Variants in TRIM21 observed in about 807,000 individuals in gnomAD.
TRIM21 encodes the protein tripartite motif containing 21.
A neutral mutation model predicts 36.1 loss-of-function variants in TRIM21; 35 were observed. The observed-to-expected ratio is 0.97, with a 90% CI of 0.74 to 1.28. The LOEUF is 1.28. Ranked by LOEUF, TRIM21 falls within the 50% of genes most tolerant of loss-of-function variation. TRIM21 has a pLI of 0.00. For synonymous variants in TRIM21, 256 were observed against 211.5 expected (o/e 1.21, Z -1.83); for missense variants, 635 against 570.7 (o/e 1.11, Z -1.15).
intron 2 of TRIM21, 46 bp from the exon 3 acceptor site, chr11:4,389,795 T>C: frequency 1.9e-6 from 3 of 1,571,080 alleles, no homozygotes; most frequent in Non-Finnish European, 2.6e-6. Context: ...AACCAAGTAA[T>C]AGGGTGGGGT....
Position 4,385,367 on chromosome 11 carries a change from C to G in TRIM21, c.1346G>C (p.Gly449Ala). 1 of 1,613,786 alleles carries G rather than the reference C, an allele frequency of 6.2e-7. No homozygotes were observed. ...TGPLRPFFSP[G>A]FNDGGKNTAP... ...TGTGTTTTTTCCTCCATCATTGAAA[C>G]CAGGACTGAAGAAGGGCCGCAGAGG... Residue 449 changes from glycine to alanine, a missense_variant, in exon 7 of 7, where the codon GGT becomes GCT. Coordinates refer to ENST00000254436, the MANE Select transcript of TRIM21 (RefSeq NM_003141.4).
chr11:4,390,819 T>G (rs534434049), intron 1 of TRIM21, among the ~76,000 whole-genome samples: 4 of 152,186 alleles, frequency 2.6e-5, no homozygotes, highest in South Asian at 4.1e-4. Context: ...GAACATACAG[T>G]GAGGAAAGGA....
At chr11:4,390,932 G>C (rs1361797448) in intron 1 of TRIM21, among the ~76,000 whole-genome samples, 1 of 152,104 alleles carries the variant, frequency 6.6e-6, no homozygotes, top group African/African-American at 2.4e-5. Context: ...AATCAAAATG[G>C]ATTAAAGACT....
Position 4,385,037 on chromosome 11 carries a change from A to C in TRIM21, c.*248T>G. 1 of 450,552 alleles carries C rather than the reference A, an allele frequency of 2.2e-6. No homozygotes were observed. The highest frequency in any genetic ancestry group is 3.9e-6 in the Non-Finnish European group (1 of 256,492). 27.9% of individuals were successfully genotyped at this position (450,552 alleles called of 1,614,324 possible). ...ACTTAAGTCCCATAAAGAAGGCAGA[A>C]ACATGTTTTTGGTTGATCAAGATGA... On this transcript the variant is annotated 3_prime_UTR_variant, in exon 7 of 7. Transcript: ENST00000254436.
Position 4,388,526 on chromosome 11 carries a change from G to C in TRIM21, c.509C>G (p.Thr170Arg). Residue 170 changes from threonine to arginine, a missense_variant, in exon 4 of 7, where the codon ACA becomes AGA. By Grantham distance (71) the Thr-to-Arg change is moderately conservative (BLOSUM62 -1). Transcript: ENST00000254436. ...AATCCTAGATTTCTGTGTTTCCACT[G>C]TTTTCTTTAGTGTCAAGGGAAAGGG... ...IAIKRADWKK[T>R]VETQKSRIHA... The C allele has an allele frequency of 6.2e-7, 1 of 1,606,966 alleles. No individual in the cohort carries two copies. Among genetic ancestry groups the C allele is most frequent in the Non-Finnish European group, 8.5e-7 (1 of 1,179,774 alleles).
chr11:4,389,742 A>G lies in TRIM21; in HGVS notation c.416T>C (p.Leu139Pro). The G allele has an allele frequency of 6.2e-7, 1 of 1,613,864 alleles. No individual in the cohort carries two copies. The highest frequency in any genetic ancestry group is 8.5e-7 in the Non-Finnish European group (1 of 1,179,816). Residue 139 changes from leucine to proline, a missense_variant, in exon 3 of 7, where the codon CTC (leucine) becomes CCC (proline). Transcript: ENST00000254436. ...EEAAQEYQEK[L>P]QVALGELRRK... ...TCTCAGTTCCCCTAATGCCACCTGGAGCTTCTCCTGCAGAGAAAGACAGCT... is the reference window on the plus strand; with the variant it reads ...TCTCAGTTCCCCTAATGCCACCTGGGGCTTCTCCTGCAGAGAAAGACAGCT...
chr11:4,389,728 C>G lies in TRIM21; in HGVS notation c.430G>C (p.Gly144Arg). Reference protein sequence around the residue: ...EYQEKLQVALGELRRKQELAE... With the variant: ...EYQEKLQVALRELRRKQELAE... ...AACTCCTGCTTTCTTCTCAGTTCCCCTAATGCCACCTGGAGCTTCTCCTGC... is the reference window on the plus strand; with the variant it reads ...AACTCCTGCTTTCTTCTCAGTTCCCGTAATGCCACCTGGAGCTTCTCCTGC... The change falls in exon 3 of 7, where the codon GGG becomes CGG. Residue 144 changes from glycine (G) to arginine (R), a missense_variant. Gly to Arg is a moderately radical substitution (Grantham distance 125, BLOSUM62 -2). Transcript: ENST00000254436. The G allele has an allele frequency of 1.2e-6, 2 of 1,614,000 alleles. No individual in the cohort carries two copies. Among genetic ancestry groups the G allele is most frequent in the East Asian group, 2.2e-5 (1 of 44,878 alleles).
At position 4,387,946 on chromosome 11, in the gene TRIM21, C is replaced by A. The variant is rs144776520; in HGVS notation, c.735+354G>T. Reference sequence around the variant, plus strand: ...TTCTGCACAAACCTGAAAGCAATGGCTCATGACCACTCTGAGTGACACTGA... The same window carrying A: ...TTCTGCACAAACCTGAAAGCAATGGATCATGACCACTCTGAGTGACACTGA... On this transcript the variant is annotated intron_variant, in intron 4 of 6. Transcript: ENST00000254436. 1.6e-3 allele frequency among the ~76,000 whole-genome samples: 240 copies of A among 152,326 alleles called. 7 individuals carry two copies. In the East Asian group the frequency reaches 0.037, roughly 24 times the overall value.
intron 3 of TRIM21, among the ~76,000 whole-genome samples, chr11:4,388,813 T>A (rs2094959516): frequency 2.0e-5 from 3 of 152,080 alleles, no homozygotes; most frequent in Admixed American, 1.3e-4. Context: ...CATTGGGGAC[T>A]TTTTCCAACC....
At chr11:4,388,573 C>G in intron 3 of TRIM21, 43 bp from the exon 4 acceptor site, 1 of 1,585,862 alleles carries the variant, frequency 6.3e-7, no homozygotes, top group African/African-American at 1.3e-5. Context: ...TTATGAAAAT[C>G]TCCCAAGCTT....
intron 4 of TRIM21, 139 bp downstream of exon 4, chr11:4,388,161 C>T (rs1286156449): frequency 1.3e-6 from 1 of 763,412 alleles, no homozygotes; most frequent in East Asian, 2.7e-5. Context: ...GAACGCGAAC[C>T]TTTCATGGGT....
At chr11:4,392,200 A>G (rs1330513463) in intron 1 of TRIM21, among the ~76,000 whole-genome samples, 1 of 152,118 alleles carries the variant, frequency 6.6e-6, no homozygotes, top group African/African-American at 2.4e-5. Flanking sequence ...TATACCTACT[A>G]TGTGCCCACA....
rs2094955944 is a variant in TRIM21, at chr11:4,386,038, C to T, written c.859+119G>A. On this transcript the variant is annotated intron_variant, in intron 6 of 6. Coordinates refer to ENST00000254436, the MANE Select transcript of TRIM21 (RefSeq NM_003141.4). ...TCTGAAGAAACCATCTTCCTTACCT[C>T]CATCTCTGTTCCCCCTGCTCTGACC... 3 of 1,112,552 alleles carry T rather than the reference C, an allele frequency of 2.7e-6. No individual in the cohort carries two copies. The East Asian group carries it at 7.6e-5, about 28-fold the overall frequency. 68.9% of individuals were successfully genotyped at this position (1,112,552 alleles called of 1,614,324 possible). A position where few individuals can be genotyped will look rare whatever the true frequency, so the allele number is the denominator to read the frequency against.
intron 1 of TRIM21, among the ~76,000 whole-genome samples, chr11:4,391,350 A>G (rs527789908): frequency 3.3e-5 from 5 of 152,382 alleles, no homozygotes; most frequent in African/African-American, 1.2e-4. Context: ...ATTATCAGAA[A>G]AATGCAAATC....
At chr11:4,392,285 G>A (rs1013531461) in intron 1 of TRIM21, among the ~76,000 whole-genome samples, 1 of 151,940 alleles carries the variant, frequency 6.6e-6, no homozygotes, top group Admixed American at 6.5e-5. Context: ...AAAAATAATG[G>A]GTCAGGCACG....
Position 4,389,926 on chromosome 11 carries a change from C to T in TRIM21, c.408+76G>A, listed in dbSNP as rs2094960895. The T allele has an allele frequency of 3.2e-6, 5 of 1,568,226 alleles. No homozygotes were observed. The Admixed American group carries it at 7.1e-5, about 22-fold the overall frequency. On this transcript the variant is annotated intron_variant, in intron 2 of 6. Transcript: ENST00000254436. ...GGTAAACCCCTCCTTTCTCTAACCCCTCCAATCCAGAGGTGGTCCTCTCCC... is the reference window on the plus strand; with the variant it reads ...GGTAAACCCCTCCTTTCTCTAACCCTTCCAATCCAGAGGTGGTCCTCTCCC...
Position 4,388,548 on chromosome 11 carries a change from A to G in TRIM21, c.505-18T>C. The G allele has an allele frequency of 6.2e-7, 1 of 1,601,026 alleles. No homozygotes were observed. Among genetic ancestry groups the G allele is most frequent in the African/African-American group, 1.3e-5 (1 of 74,822 alleles). On this transcript the variant is annotated intron_variant, in intron 3 of 6. Coordinates refer to ENST00000254436, the MANE Select transcript of TRIM21 (RefSeq NM_003141.4). The stretch of plus-strand genomic sequence containing the variant: ...ACTGTTTTCTTTAGTGTCAAGGGAA[A>G]GGGAGAGGTGGTTTTTATGAAAATC...
chr11:4,391,897 T>C lies in TRIM21; in HGVS notation c.-49-1439A>G, dbSNP rs542767455. ...ATTAAAACAATTGAACTCATGGAGT[T>C]AGATAATAGAAAGATGGTTACCAGA... On this transcript the variant is annotated intron_variant, in intron 1 of 6. Transcript: ENST00000254436. 8.5e-5 allele frequency among the ~76,000 whole-genome samples: 13 copies of C among 152,138 alleles called. No homozygotes were observed. In the South Asian group the frequency reaches 2.7e-3, roughly 32 times the overall value.
intron 2 of TRIM21, 50 bp from the exon 3 acceptor site, chr11:4,389,799 G>T (rs768291073): frequency 3.2e-6 from 5 of 1,567,720 alleles, no homozygotes; most frequent in Non-Finnish European, 3.5e-6. Context: ...AAGTAATAGG[G>T]TGGGGTAATC....
Sources: allele counts gnomAD v4.1 joint callset (sites outside exome capture counted in the v4.1 genomes callset), GRCh38; gene constraint gnomAD v4.1.1; transcripts MANE v1.5; gene names NCBI Gene and HGNC (gene_info 2026-07-23, HGNC 2026-07-21).